SNX24: variants seen among roughly 807,000 people sequenced by gnomAD.
The protein encoded by SNX24 is sorting nexin-24.
SNX24 carries 22 observed loss-of-function variants against 28.7 expected under a neutral mutation model. The observed-to-expected ratio is 0.77, with a 90% CI of 0.55 to 1.10. SNX24 has a LOEUF of 1.10. SNX24 is among the 50% of genes least tolerant of loss of function. SNX24 has a pLI of 0.00. For synonymous variants in SNX24, 69 were observed against 71.5 expected (o/e 0.96, Z 0.18); for missense variants, 221 against 201.1 (o/e 1.10, Z -0.60).
intron 1 of SNX24, among the ~76,000 whole-genome samples, chr5:122,891,868 A>G (rs1453186739): frequency 6.6e-6 from 1 of 152,206 alleles, no homozygotes. Context: ...ATGTGAGAAT[A>G]AAATGTGTGT....
intron 1 of SNX24, among the ~76,000 whole-genome samples, chr5:122,929,575 G>T (rs1758857230): frequency 6.6e-6 from 1 of 151,856 alleles, no homozygotes. Flanking sequence ...TAGTACATTT[G>T]GTCCGCTTTG....
chr5:122,957,298 G>T (rs1261234893), intron 3 of SNX24, among the ~76,000 whole-genome samples: 5 of 152,094 alleles, frequency 3.3e-5, no homozygotes, highest in Non-Finnish European at 7.4e-5. Flanking sequence ...AATGATCTTG[G>T]CACTCTTCTC....
chr5:122,875,836 C>G (rs1226894686), intron 1 of SNX24, among the ~76,000 whole-genome samples: 1 of 152,194 alleles, frequency 6.6e-6, no homozygotes, highest in Non-Finnish European at 1.5e-5. Context: ...AGCGCCCAGG[C>G]TGGAGTGCAA....
At chr5:122,979,080 C>T (rs1480143497) in intron 3 of SNX24, among the ~76,000 whole-genome samples, 1 of 152,046 alleles carries the variant, frequency 6.6e-6, no homozygotes, top group Non-Finnish European at 1.5e-5. Flanking sequence ...CTACGTCTAC[C>T]ACTCTGGATT....
At chr5:122,953,187 C>G (rs1213908663) in intron 3 of SNX24, among the ~76,000 whole-genome samples, 1 of 151,966 alleles carries the variant, frequency 6.6e-6, no homozygotes, top group Non-Finnish European at 1.5e-5. Context: ...TCACTGTAAC[C>G]TCCACCTCAT....
chr5:122,884,032 G>C (rs192885821), intron 1 of SNX24, among the ~76,000 whole-genome samples: 31 of 152,122 alleles, frequency 2.0e-4, no homozygotes, highest in Non-Finnish European at 2.9e-5. Context: ...TTGGTTCTTC[G>C]GAAGAAACAG....
At chr5:122,896,787 G>A (rs1757221691) in intron 1 of SNX24, among the ~76,000 whole-genome samples, 1 of 152,218 alleles carries the variant, frequency 6.6e-6, no homozygotes, top group African/African-American at 2.4e-5. Flanking sequence ...TTATAAAGCA[G>A]CTAACTCCTC....
chr5:122,956,379 CACACACACACA>C (rs1561653771), intron 3 of SNX24, among the ~76,000 whole-genome samples: 105 of 20,408 alleles, frequency 5.1e-3, no homozygotes, highest in African/African-American at 0.013. Context: ...CACACACACA[CACACACACACA>C]CACACACACA....
intron 1 of SNX24, among the ~76,000 whole-genome samples, chr5:122,860,690 G>T (rs1463060505): frequency 1.3e-5 from 2 of 152,066 alleles, no homozygotes; most frequent in Non-Finnish European, 2.9e-5. Flanking sequence ...TCTGCCTCCC[G>T]GGTTCACGCC....
chr5:122,907,859 T>G (rs1473029288), intron 1 of SNX24, among the ~76,000 whole-genome samples: 3 of 152,264 alleles, frequency 2.0e-5, no homozygotes, highest in African/African-American at 7.2e-5. Flanking sequence ...TTTAAAAGTA[T>G]AACTGGGCAG....
At chr5:122,853,645 A>T in intron 1 of SNX24, 1 of 371,782 alleles carries the variant, frequency 2.7e-6, no homozygotes, top group South Asian at 2.0e-5. Context: ...TTTCAAATTT[A>T]TGTATTTTAA....
chr5:122,925,199 C>T (rs1468051573), intron 1 of SNX24, among the ~76,000 whole-genome samples: 1 of 107,644 alleles, frequency 9.3e-6, no homozygotes, highest in East Asian at 3.2e-4. Flanking sequence ...CCTTCTTCCC[C>T]CTTCCTATTT....
chr5:123,003,760 T>C (rs1047967474), intron 6 of SNX24, among the ~76,000 whole-genome samples: 1 of 152,176 alleles, frequency 6.6e-6, no homozygotes, highest in African/African-American at 2.4e-5. Flanking sequence ...ATGTCTTGAA[T>C]TGGAAAGAGT....
Position 122,965,292 on chromosome 5 carries a change from G to A in SNX24, c.249+19133G>A, listed in dbSNP as rs1322012662. Reference sequence around the variant, plus strand: ...TCTCACACAGACTCTCAGCAGATTAGGCCCTCAGCCTGGAGTGCATTCATT... The same window carrying A: ...TCTCACACAGACTCTCAGCAGATTAAGCCCTCAGCCTGGAGTGCATTCATT... On this transcript the variant is annotated intron_variant, in intron 3 of 6. Transcript: ENST00000261369. Among the ~76,000 whole-genome samples the A allele has an allele frequency of 3.3e-5, 5 of 152,298 alleles. 1 individual carries two copies. The highest frequency in any genetic ancestry group is 3.3e-4 in the Admixed American group (5 of 15,306).
At position 123,008,230 on chromosome 5, in the gene SNX24, A is replaced by G. The variant is rs942051959; in HGVS notation, c.*481A>G. The G allele has an allele frequency of 2.0e-6, 2 of 985,802 alleles. No individual in the cohort carries two copies. The highest frequency in any genetic ancestry group is 3.5e-5 in the African/African-American group (2 of 57,214). The allele number at this position is 985,802 out of a possible 1,614,324, so 61.1% of individuals were successfully genotyped here. A position where few individuals can be genotyped will look rare whatever the true frequency, so the allele number is the denominator to read the frequency against. ...CATTCTGAAATGCTGGCACCAGGAG[A>G]CGGCCACAGACACACACTGCTAAAT... is the stretch of plus-strand genomic sequence containing the variant. On this transcript the variant is annotated 3_prime_UTR_variant, in exon 7 of 7. Transcript: ENST00000261369.
chr5:122,984,702 T>C (rs1194489753), intron 3 of SNX24, among the ~76,000 whole-genome samples: 2 of 152,224 alleles, frequency 1.3e-5, no homozygotes, highest in East Asian at 1.9e-4. Flanking sequence ...AGTTGCAAAA[T>C]TGTACTCAAG....
intron 5 of SNX24, among the ~76,000 whole-genome samples, chr5:123,025,348 T>C (rs1762836242): frequency 6.6e-6 from 1 of 152,224 alleles, no homozygotes; most frequent in Non-Finnish European, 1.5e-5. Flanking sequence ...TTCTACTTTC[T>C]GTTTCTATCA....
chr5:122,884,162 T>C (rs1436331509), intron 1 of SNX24, among the ~76,000 whole-genome samples: 1 of 152,182 alleles, frequency 6.6e-6, no homozygotes, highest in African/African-American at 2.4e-5. Flanking sequence ...CTTTGGTTCC[T>C]GTAGGAATCA....
At chr5:122,941,736 G>A (rs539905907) in intron 2 of SNX24, among the ~76,000 whole-genome samples, 2 of 152,254 alleles carry the variant, frequency 1.3e-5, no homozygotes, top group African/African-American at 4.8e-5. Context: ...ATAAGTATTT[G>A]GCAAATGGTA....
Sources: allele counts gnomAD v4.1 joint callset (sites outside exome capture counted in the v4.1 genomes callset), GRCh38; gene constraint gnomAD v4.1.1; transcripts MANE v1.5; gene names NCBI Gene and HGNC (gene_info 2026-07-23, HGNC 2026-07-21).